CAMK2G: variants seen among roughly 807,000 people sequenced by gnomAD.
The protein encoded by CAMK2G is calcium/calmodulin-dependent protein kinase type II subunit gamma.
A neutral mutation model predicts 88.7 loss-of-function variants in CAMK2G; 23 were observed. The observed-to-expected ratio is 0.26, with a 90% CI of 0.19 to 0.37. The LOEUF is 0.37. Ranked by LOEUF, CAMK2G falls within the 10% of genes least tolerant of loss-of-function variation. The pLI is 1.00. For missense variants in CAMK2G, 476 were observed against 780.8 expected (o/e 0.61, Z 4.65); for synonymous variants, 263 against 294.8 (o/e 0.89, Z 1.11).
chr10:73,858,262 C>T (rs962849600), intron 3 of CAMK2G, among the ~76,000 whole-genome samples: 1 of 152,234 alleles, frequency 6.6e-6, no homozygotes, highest in East Asian at 1.9e-4. Flanking sequence ...CTAGCTTCCT[C>T]GACTGTGCAC....
At chr10:73,815,778 AAATAG>A in intron 21 of CAMK2G, 1 of 984,572 alleles carries the variant, frequency 1.0e-6, no homozygotes. Context: ...ACCAAAGCTG[AAATAG>A]AATCATCAAA....
At chr10:73,873,481 T>G (rs35257352) in intron 1 of CAMK2G, 1 of 1,035,578 alleles carries the variant, frequency 9.7e-7, no homozygotes, top group South Asian at 3.8e-5. Context: ...GCAGGAACAG[T>G]TGAAGGTCGG....
At chr10:73,855,513 CCCACCCCATGCCCAACA>C (rs1257404432) in intron 3 of CAMK2G, among the ~76,000 whole-genome samples, 1 of 152,138 alleles carries the variant, frequency 6.6e-6, no homozygotes, top group Non-Finnish European at 1.5e-5. Flanking sequence ...CAGCCAGAAC[CCCACCCCATGCCCAACA>C]CCACCCCATG....
chr10:73,819,319 C>T (rs1311862153), intron 19 of CAMK2G, among the ~76,000 whole-genome samples: 3 of 152,228 alleles, frequency 2.0e-5, no homozygotes, highest in African/African-American at 7.2e-5. Context: ...TTTCCACCCA[C>T]ACTTCTCATA....
intron 3 of CAMK2G, among the ~76,000 whole-genome samples, chr10:73,859,680 C>T (rs1325380486): frequency 6.6e-6 from 1 of 152,240 alleles, no homozygotes; most frequent in African/African-American, 2.4e-5. Context: ...ACTGGCCACA[C>T]CAATCTGCTT....
At position 73,836,371 on chromosome 10, in the gene CAMK2G, C is replaced by T. The variant is rs116102172; in HGVS notation, c.1053+1097G>A. 4.5e-3 allele frequency among the ~76,000 whole-genome samples: 687 copies of T among 152,254 alleles called. 5 individuals carry two copies. Among genetic ancestry groups the T allele is most frequent in the African/African-American group, 0.016 (660 of 41,542 alleles). ...GTGTACCCCTCAGAACAGAATGCTG[C>T]GTGGACATCTGACTGACAGGTACTT... On this transcript the variant is annotated intron_variant, in intron 14 of 22. Transcript: ENST00000423381.
chr10:73,873,025 C>T lies in CAMK2G; in HGVS notation c.124G>A (p.Ala42Thr). The change falls in exon 2 of 23, where the codon GCA (alanine) becomes ACA (threonine). Residue 42 changes from alanine (A) to threonine (T), a missense_variant. Ala to Thr is a moderately conservative substitution (Grantham distance 58, BLOSUM62 0). Transcript: ENST00000423381. ...VKKTSTQEYAAKIINTKKLSA... is the reference protein window; with the variant it reads ...VKKTSTQEYATKIINTKKLSA... Reference sequence around the variant, plus strand: ...AACTTCTTGGTATTGATGATTTTTGCTGCGTACTCCTGCGTGGAGGTTTTC... The same window carrying T: ...AACTTCTTGGTATTGATGATTTTTGTTGCGTACTCCTGCGTGGAGGTTTTC... The T allele has an allele frequency of 6.2e-7, 1 of 1,613,508 alleles. No homozygotes were observed. The highest frequency in any genetic ancestry group is 8.5e-7 in the Non-Finnish European group (1 of 1,179,490).
intron 22 of CAMK2G, chr10:73,814,788 C>A: frequency 3.6e-6 from 2 of 562,422 alleles, no homozygotes; most frequent in East Asian, 5.7e-5. Flanking sequence ...GGGGAAGTAA[C>A]CTGTCTGAGG....
At chr10:73,832,496 G>A (rs905955193) in intron 14 of CAMK2G, among the ~76,000 whole-genome samples, 2 of 151,846 alleles carry the variant, frequency 1.3e-5, no homozygotes, top group African/African-American at 4.8e-5. Flanking sequence ...TAGTAAAGAC[G>A]GGGTTTCACC....
At chr10:73,870,551 G>A (rs1187962479) in intron 2 of CAMK2G, among the ~76,000 whole-genome samples, 2 of 152,166 alleles carry the variant, frequency 1.3e-5, no homozygotes, top group Non-Finnish European at 2.9e-5. Context: ...GGGATGCCAA[G>A]GAGAAACAGC....
rs545189862 is a variant in CAMK2G at position 73,835,777 on chromosome 10, A to T, written c.1053+1691T>A. 2.6e-5 allele frequency among the ~76,000 whole-genome samples: 4 copies of T among 152,270 alleles called. No individual in the cohort carries two copies. In the South Asian group the frequency reaches 8.3e-4, roughly 32 times the overall value. On this transcript the variant is annotated intron_variant, in intron 14 of 22. Transcript: ENST00000423381. ...CAGAGAACATCAATATGTATAAGAG[A>T]ACCCATACAAATATAATTTGTTGTT...
chr10:73,856,706 G>A (rs1253059375), intron 3 of CAMK2G, among the ~76,000 whole-genome samples: 2 of 152,240 alleles, frequency 1.3e-5, no homozygotes, highest in African/African-American at 4.8e-5. Context: ...CATGTCCATA[G>A]ACAGGAAGAT....
At chr10:73,853,893 C>G (rs113014713) in intron 3 of CAMK2G, among the ~76,000 whole-genome samples, 1 of 152,250 alleles carries the variant, frequency 6.6e-6, no homozygotes, top group African/African-American at 2.4e-5. Context: ...CTGGACCCCA[C>G]GCTAGGCAGC....
intron 3 of CAMK2G, among the ~76,000 whole-genome samples, chr10:73,859,871 G>A (rs2095289460): frequency 6.6e-6 from 1 of 152,242 alleles, no homozygotes; most frequent in South Asian, 2.1e-4. Flanking sequence ...AGCTCTGAAG[G>A]AAGCATTAGG....
chr10:73,843,600 C>T (rs1590638061), intron 10 of CAMK2G, among the ~76,000 whole-genome samples: 1 of 152,214 alleles, frequency 6.6e-6, no homozygotes, highest in East Asian at 1.9e-4. Context: ...TCTTGGGTGC[C>T]TGTTTCAGGT....
chr10:73,860,422 C>G (rs1265456468), intron 3 of CAMK2G, among the ~76,000 whole-genome samples: 1 of 152,168 alleles, frequency 6.6e-6, no homozygotes, highest in Non-Finnish European at 1.5e-5. Flanking sequence ...GACACCGCAG[C>G]AGGAACAAAA....
At chr10:73,870,606 A>G (rs1052190960) in intron 2 of CAMK2G, among the ~76,000 whole-genome samples, 3 of 152,130 alleles carry the variant, frequency 2.0e-5, no homozygotes, top group African/African-American at 7.2e-5. Flanking sequence ...CCAGAGAATC[A>G]CAAACAAGAA....
chr10:73,833,127 A>ATTTTTT (rs765917793), intron 14 of CAMK2G, among the ~76,000 whole-genome samples: 1 of 138,788 alleles, frequency 7.2e-6, no homozygotes, highest in African/African-American at 2.6e-5. Context: ...CACTCAGCTA[A>ATTTTTT]TTTTTTTTTT....
At chr10:73,870,984 T>C (rs549719198) in intron 2 of CAMK2G, among the ~76,000 whole-genome samples, 1 of 152,236 alleles carries the variant, frequency 6.6e-6, no homozygotes, top group East Asian at 1.9e-4. Context: ...CAGTACTGGC[T>C]GGCACTTACA....
Sources: gnomAD v4.1 joint callset for allele counts (sites outside exome capture counted in the v4.1 genomes callset) on GRCh38, gnomAD v4.1.1 for gene constraint, MANE v1.5 for transcripts, NCBI Gene and HGNC (gene_info 2026-07-23, HGNC 2026-07-21) for gene names.